Variants in TAFA5 observed in about 807,000 individuals in gnomAD.
TAFA5 encodes the protein TAFA chemokine like family member 5.
TAFA5 carries 6 observed loss-of-function variants against 15.3 expected under a neutral mutation model. The observed-to-expected ratio is 0.39, with a 90% CI of 0.21 to 0.77. The LOEUF is 0.77. TAFA5 is among the 30% of genes least tolerant of loss of function. The pLI is 0.41. For missense variants in TAFA5, 161 were observed against 193.1 expected (o/e 0.83, Z 0.98); for synonymous variants, 103 against 80.7 (o/e 1.28, Z -1.48).
At chr22:48,579,915 T>G (rs1923970328) in intron 1 of TAFA5, among the ~76,000 whole-genome samples, 1 of 152,220 alleles carries the variant, frequency 6.6e-6, no homozygotes, top group South Asian at 2.1e-4. Context: ...GAGAACCCAG[T>G]GCCTCTTTCC....
At chr22:48,590,161 C>A (rs1329332214) in intron 1 of TAFA5, among the ~76,000 whole-genome samples, 1 of 152,138 alleles carries the variant, frequency 6.6e-6, no homozygotes, top group Non-Finnish European at 1.5e-5. Context: ...GGATTCCCAT[C>A]CCGGAGGTGG....
intron 2 of TAFA5, among the ~76,000 whole-genome samples, chr22:48,688,684 G>A (rs1237987010): frequency 5.3e-5 from 8 of 152,152 alleles, no homozygotes; most frequent in African/African-American, 1.9e-4. Context: ...GAGAAACAGT[G>A]TGTCCTGATT....
chr22:48,725,057 T>A (rs1929676170), intron 3 of TAFA5, among the ~76,000 whole-genome samples: 1 of 152,232 alleles, frequency 6.6e-6, no homozygotes, highest in Admixed American at 6.5e-5. Flanking sequence ...TAGACAGAAG[T>A]CTGACCTCCC....
intron 1 of TAFA5, among the ~76,000 whole-genome samples, chr22:48,634,895 C>T (rs1218297325): frequency 2.6e-5 from 4 of 152,250 alleles, no homozygotes; most frequent in Non-Finnish European, 4.4e-5. Flanking sequence ...GGAGCCAGCC[C>T]ATGGGGCATC....
chr22:48,614,326 C>T (rs1925520978), intron 1 of TAFA5, among the ~76,000 whole-genome samples: 1 of 152,252 alleles, frequency 6.6e-6, no homozygotes, highest in Non-Finnish European at 1.5e-5. Context: ...GGTTCCACAG[C>T]TGCTTAAAAA....
At chr22:48,725,845 A>G (rs1003509049) in intron 3 of TAFA5, among the ~76,000 whole-genome samples, 3 of 152,204 alleles carry the variant, frequency 2.0e-5, no homozygotes, top group Non-Finnish European at 2.9e-5. Flanking sequence ...GGGAACCTCA[A>G]TGGCTCCAGC....
At chr22:48,564,554 A>T (rs948877027) in intron 1 of TAFA5, among the ~76,000 whole-genome samples, 82 of 152,212 alleles carry the variant, frequency 5.4e-4, no homozygotes, top group Admixed American at 5.4e-3. Flanking sequence ...GGGAGCTCTG[A>T]AAAAGGTACA....
chr22:48,578,351 A>T (rs1923896428), intron 1 of TAFA5, among the ~76,000 whole-genome samples: 5 of 152,316 alleles, frequency 3.3e-5, no homozygotes, highest in Admixed American at 3.3e-4. Flanking sequence ...GCCCCAGTGC[A>T]GGTGCCTCCG....
intron 1 of TAFA5, among the ~76,000 whole-genome samples, chr22:48,534,509 G>C (rs547624362): frequency 6.6e-6 from 1 of 152,298 alleles, no homozygotes; most frequent in Admixed American, 6.5e-5. Flanking sequence ...GGACAGCCTG[G>C]GTGGGTGGAC....
intron 2 of TAFA5, among the ~76,000 whole-genome samples, chr22:48,682,737 A>G (rs1569077466): frequency 1.3e-5 from 2 of 152,158 alleles, no homozygotes; most frequent in East Asian, 3.9e-4. Context: ...TTGTCGCTGA[A>G]TTGACGTGTG....
At chr22:48,635,269 G>A (rs1382103154) in intron 1 of TAFA5, among the ~76,000 whole-genome samples, 3 of 152,236 alleles carry the variant, frequency 2.0e-5, no homozygotes, top group East Asian at 1.9e-4. Context: ...GTGGGCAGGC[G>A]TAGCTGGTGG....
chr22:48,729,016 C>A lies in TAFA5; in HGVS notation c.391-20823C>A, dbSNP rs572008734. Among the ~76,000 whole-genome samples, 5 of 151,942 alleles carry A rather than the reference C, an allele frequency of 3.3e-5. No homozygotes were observed. In the South Asian group the frequency reaches 8.3e-4, roughly 25 times the overall value. On this transcript the variant is annotated intron_variant, in intron 3 of 3. Coordinates refer to ENST00000402357, the MANE Select transcript of TAFA5 (RefSeq NM_001082967.3). ...GTGTATGCATAGCTAGTGTATCGAT[C>A]GCTAAATCTGGAAATTTTTATTAAA...
intron 1 of TAFA5, among the ~76,000 whole-genome samples, chr22:48,581,366 G>A (rs1341994575): frequency 1.3e-5 from 2 of 152,208 alleles, no homozygotes; most frequent in Non-Finnish European, 2.9e-5. Context: ...CTGCACACTC[G>A]GGAGGATTGG....
chr22:48,689,038 T>C (rs1243041576), intron 2 of TAFA5, among the ~76,000 whole-genome samples: 1 of 150,914 alleles, frequency 6.6e-6, no homozygotes, highest in African/African-American at 2.4e-5. Flanking sequence ...GTTGATGTGC[T>C]GCAGTTTAAC....
intron 1 of TAFA5, among the ~76,000 whole-genome samples, chr22:48,593,104 G>A (rs1041086489): frequency 2.0e-5 from 3 of 152,240 alleles, no homozygotes; most frequent in African/African-American, 7.2e-5. Flanking sequence ...AGCAGACGCG[G>A]GATGGGAGGT....
chr22:48,750,092 A>G lies in TAFA5; in HGVS notation c.*245A>G. Reference sequence around the variant, plus strand: ...GCGGCACCTGGCATCAGCAATACGCAGTCTGTGGGAGCCCGGCCGCGCCCA... The same window carrying G: ...GCGGCACCTGGCATCAGCAATACGCGGTCTGTGGGAGCCCGGCCGCGCCCA... On this transcript the variant is annotated 3_prime_UTR_variant, in exon 4 of 4. Transcript: ENST00000402357. 1 of 558,696 alleles carries G rather than the reference A, an allele frequency of 1.8e-6. No homozygotes were observed. The highest frequency in any genetic ancestry group is 2.2e-5 in the South Asian group (1 of 45,496). 34.6% of individuals were successfully genotyped at this position (558,696 alleles called of 1,614,324 possible). A position where few individuals can be genotyped will look rare whatever the true frequency, so the allele number is the denominator to read the frequency against.
At chr22:48,705,892 T>G (rs1280915235) in intron 2 of TAFA5, among the ~76,000 whole-genome samples, 1 of 152,272 alleles carries the variant, frequency 6.6e-6, no homozygotes, top group Non-Finnish European at 1.5e-5. Flanking sequence ...ACAGGTATCC[T>G]GGGGAACTAC....
chr22:48,687,410 A>T (rs1928398473), intron 2 of TAFA5, among the ~76,000 whole-genome samples: 1 of 124,444 alleles, frequency 8.0e-6, no homozygotes, highest in African/African-American at 3.1e-5. Context: ...GGATAGATAG[A>T]TGGGTGGGTA....
At chr22:48,635,382 G>A (rs1472738284) in intron 1 of TAFA5, among the ~76,000 whole-genome samples, 1 of 152,140 alleles carries the variant, frequency 6.6e-6, no homozygotes, top group African/African-American at 2.4e-5. Context: ...CTTCTTCAGG[G>A]CAAGCACAGG....
Sources: gnomAD v4.1 joint callset for allele counts (sites outside exome capture counted in the v4.1 genomes callset) on GRCh38, gnomAD v4.1.1 for gene constraint, MANE v1.5 for transcripts, NCBI Gene and HGNC (gene_info 2026-07-23, HGNC 2026-07-21) for gene names.